Variants in DCP2 observed in about 807,000 individuals in gnomAD.
DCP2 encodes m7GpppN-mRNA hydrolase.
DCP2 carries 30 observed loss-of-function variants against 56.1 expected under a neutral mutation model. That is an observed-to-expected ratio of 0.53 (90% CI 0.40 to 0.73). The LOEUF is 0.73. Ranked by LOEUF, DCP2 falls within the 30% of genes least tolerant of loss-of-function variation. The pLI is 0.00. For missense variants in DCP2, 533 were observed against 502.7 expected, an observed-to-expected ratio of 1.06 and a Z score of -0.58; for synonymous variants, 197 against 163.3, an observed-to-expected ratio of 1.21 and a Z score of -1.57.
At chr5:112,998,909 G>C (rs1306392984) in intron 4 of DCP2, among the ~76,000 whole-genome samples, 8 of 152,180 alleles carry the variant, frequency 5.3e-5, no homozygotes, top group Admixed American at 5.2e-4. Context: ...ATATGGTGCT[G>C]TTTGTTATCT....
intron 4 of DCP2, among the ~76,000 whole-genome samples, chr5:112,994,311 A>G (rs1748748599): frequency 6.6e-6 from 1 of 151,138 alleles, no homozygotes; most frequent in Non-Finnish European, 1.5e-5. Context: ...AGTTGGGACC[A>G]CAGTTGCATG....
At position 113,001,252 on chromosome 5, in the gene DCP2, A is replaced by G; in HGVS notation, c.585+16A>G. 6.2e-7 allele frequency: 1 copy of G among 1,611,630 alleles called. No homozygotes were observed. The highest frequency in any genetic ancestry group is 8.5e-7 in the Non-Finnish European group (1 of 1,179,170). ...AGAAATTCGGGTATGTAACAAGAGT[A>G]TTTTCAGGTTACTGGACAGTATCCC... is the stretch of plus-strand genomic sequence containing the variant. On this transcript the variant is annotated intron_variant, in intron 5 of 10. Coordinates refer to ENST00000389063, the MANE Select transcript of DCP2 (RefSeq NM_152624.6).
chr5:113,000,598 A>T lies in DCP2; in HGVS notation c.433-486A>T, dbSNP rs535746368. Among the ~76,000 whole-genome samples, 31 of 152,284 alleles carry T rather than the reference A, an allele frequency of 2.0e-4. 1 individual carries two copies. In the South Asian group the frequency reaches 5.8e-3, roughly 29 times the overall value. On this transcript the variant is annotated intron_variant, in intron 4 of 10. Coordinates refer to ENST00000389063, the MANE Select transcript of DCP2 (RefSeq NM_152624.6). ...CAAAAACATTATTAAGCTCTATCTCAAGCAGTAGATTAGACCTTAGTTTCG... is the reference window on the plus strand; with the variant it reads ...CAAAAACATTATTAAGCTCTATCTCTAGCAGTAGATTAGACCTTAGTTTCG...
In DCP2 at chr5:113,013,457, T is replaced by C. The variant is rs756079360; in HGVS notation, c.1236T>C (p.Asn412=). The C allele has an allele frequency of 6.2e-7, 1 of 1,614,134 alleles. No individual in the cohort carries two copies. Among genetic ancestry groups the C allele is most frequent in the East Asian group, 2.2e-5 (1 of 44,878 alleles). The change falls in exon 11 of 11, where the codon AAT becomes AAC. Residue 412 remains asparagine (N), a synonymous_variant. Coordinates refer to ENST00000389063, the MANE Select transcript of DCP2 (RefSeq NM_152624.6). ...RAFLSFKFDH[N]AIMKILDL ...TTTTGAGTTTCAAGTTTGACCATAA[T>C]GCTATAATGAAAATCTTGGACCTTT...
At chr5:113,002,560 T>A (rs1749229328) in intron 7 of DCP2, among the ~76,000 whole-genome samples, 1 of 152,158 alleles carries the variant, frequency 6.6e-6, no homozygotes, top group Non-Finnish European at 1.5e-5. Context: ...CTCTCTCTGT[T>A]GCCCAGGCTG....
intron 2 of DCP2, among the ~76,000 whole-genome samples, chr5:112,987,915 G>A (rs567878080): frequency 1.3e-5 from 2 of 151,756 alleles, no homozygotes; most frequent in African/African-American, 4.8e-5. Context: ...AGGTGCTACC[G>A]CACCTGGCCA....
chr5:113,004,079 T>A lies in DCP2; in HGVS notation c.942+2T>A. On this transcript the variant is annotated splice_donor_variant, in intron 8 of 10. Transcript: ENST00000389063. LOFTEE classifies it high-confidence loss of function. ...ATGTCTGACCTTTTAAAAGGAAAGG[T>A]GAGTGATACACAATTACAGTCTTTT... The A allele has an allele frequency of 6.2e-7, 1 of 1,612,444 alleles. No individual in the cohort carries two copies. Among genetic ancestry groups the A allele is most frequent in the Non-Finnish European group, 8.5e-7 (1 of 1,179,630 alleles).
chr5:112,997,994 GA>G (rs2150181130), intron 4 of DCP2, among the ~76,000 whole-genome samples: 1 of 152,300 alleles, frequency 6.6e-6, no homozygotes. Context: ...CTTCTGCTAG[GA>G]GAATTAAACG....
chr5:112,977,613 A>G (rs1747779539), intron 1 of DCP2, among the ~76,000 whole-genome samples: 1 of 152,168 alleles, frequency 6.6e-6, no homozygotes. Context: ...TTTATCCTTA[A>G]TAATCCTATT....
At chr5:112,993,772 C>T (rs926845272) in intron 4 of DCP2, among the ~76,000 whole-genome samples, 1 of 151,966 alleles carries the variant, frequency 6.6e-6, no homozygotes, top group Non-Finnish European at 1.5e-5. Context: ...TGAAGGACTG[C>T]CACTGCCACC....
At chr5:112,980,351 C>T (rs1032157578) in intron 1 of DCP2, among the ~76,000 whole-genome samples, 2 of 152,096 alleles carry the variant, frequency 1.3e-5, no homozygotes, top group African/African-American at 4.8e-5. Flanking sequence ...TTGGTGATAG[C>T]GTAGGTTAAT....
chr5:113,013,682 T>C lies in DCP2; in HGVS notation c.*198T>C, dbSNP rs4705749. On this transcript the variant is annotated 3_prime_UTR_variant, in exon 11 of 11. Transcript: ENST00000389063. ...ATGCAGTTATAACCTTTTATACAGATTTACCTTTTCAGTGTTCAGTACAAG... is the reference window on the plus strand; with the variant it reads ...ATGCAGTTATAACCTTTTATACAGACTTACCTTTTCAGTGTTCAGTACAAG... The C allele has an allele frequency of 0.48, 256,833 of 534,576 alleles. 66,862 individuals are homozygous for C. Among genetic ancestry groups the C allele is most frequent in the East Asian group, 0.67 (21,731 of 32,238 alleles). 33.1% of individuals were successfully genotyped at this position (534,576 alleles called of 1,614,324 possible). A position where few individuals can be genotyped will look rare whatever the true frequency, so the allele number is the denominator to read the frequency against.
intron 1 of DCP2, among the ~76,000 whole-genome samples, chr5:112,978,939 G>A (rs987824388): frequency 2.6e-5 from 4 of 152,190 alleles, no homozygotes; most frequent in African/African-American, 9.6e-5. Flanking sequence ...ACAGACATCA[G>A]AGCTAGTCTT....
intron 7 of DCP2, among the ~76,000 whole-genome samples, chr5:113,003,700 TG>T (rs920051490): frequency 2.0e-5 from 3 of 146,968 alleles, no homozygotes; most frequent in Non-Finnish European, 4.6e-5. Context: ...AAGTCTAGGA[TG>T]AAAAAAAATA....
intron 1 of DCP2, among the ~76,000 whole-genome samples, chr5:112,978,271 G>T (rs538568625): frequency 7.9e-5 from 12 of 152,110 alleles, no homozygotes; most frequent in Admixed American, 2.6e-4. Context: ...CATCGCGCCC[G>T]GCCTGGAGTT....
chr5:113,014,172 G>A lies in DCP2; in HGVS notation c.*688G>A, dbSNP rs1237161976. Reference sequence around the variant, plus strand: ...TTTGAGCTGTGGTTACATGCAGTCAGTAAACCTGTGAGACTGCTGGAGGAA... The same window carrying A: ...TTTGAGCTGTGGTTACATGCAGTCAATAAACCTGTGAGACTGCTGGAGGAA... On this transcript the variant is annotated 3_prime_UTR_variant, in exon 11 of 11. Coordinates refer to ENST00000389063, the MANE Select transcript of DCP2 (RefSeq NM_152624.6). 6.6e-6 allele frequency: 1 copy of A among 152,322 alleles called. No individual in the cohort carries two copies. Among genetic ancestry groups the A allele is most frequent in the African/African-American group, 2.4e-5 (1 of 41,464 alleles). The allele number at this position is 152,322 out of a possible 1,614,324, so 9.4% of individuals were successfully genotyped here. A position where few individuals can be genotyped will look rare whatever the true frequency, so the allele number is the denominator to read the frequency against.
Position 112,992,550 on chromosome 5 carries a change from A to G in DCP2, c.334-122A>G, listed in dbSNP as rs549720014. On this transcript the variant is annotated intron_variant, in intron 3 of 10. Transcript: ENST00000389063. ...GACTCACTGAAGATACTTTAAGAAA[A>G]TACTCTGTAAAATTATTGGCGATAA... 10 of 772,250 alleles carry G rather than the reference A, an allele frequency of 1.3e-5. No homozygotes were observed. The East Asian group carries it at 2.9e-4, about 22-fold the overall frequency. The allele number at this position is 772,250 out of a possible 1,614,324, so 47.8% of individuals were successfully genotyped here.
Position 113,020,264 on chromosome 5 carries a change from G to C in DCP2, c.*6780G>C, listed in dbSNP as rs1438974799. ...TAGATTTGTGAACTTTATTTCTTTAGTAATTATTTTTATCTTATGTGAAAT... is the reference window on the plus strand; with the variant it reads ...TAGATTTGTGAACTTTATTTCTTTACTAATTATTTTTATCTTATGTGAAAT... On this transcript the variant is annotated 3_prime_UTR_variant, in exon 11 of 11. Transcript: ENST00000389063. 1.3e-5 allele frequency: 2 copies of C among 152,166 alleles called. No homozygotes were observed. Among genetic ancestry groups the C allele is most frequent in the African/African-American group, 4.8e-5 (2 of 41,438 alleles). The allele number at this position is 152,166 out of a possible 1,614,324, so 9.4% of individuals were successfully genotyped here. A position where few individuals can be genotyped will look rare whatever the true frequency, so the allele number is the denominator to read the frequency against.
At chr5:112,985,049 A>G (rs919431200) in intron 1 of DCP2, among the ~76,000 whole-genome samples, 1 of 152,126 alleles carries the variant, frequency 6.6e-6, no homozygotes, top group Non-Finnish European at 1.5e-5. Flanking sequence ...GTGGACTTGA[A>G]TCTGTCTCTA....
Sources: gnomAD v4.1 joint callset for allele counts (sites outside exome capture counted in the v4.1 genomes callset) on GRCh38, gnomAD v4.1.1 for gene constraint, MANE v1.5 for transcripts, NCBI Gene and HGNC (gene_info 2026-07-23, HGNC 2026-07-21) for gene names.